Variants in CPEB3 observed in about 807,000 individuals in gnomAD.
CPEB3 encodes cytoplasmic polyadenylation element binding protein 3, also known as cytoplasmic polyadenylation element-binding protein 3.
CPEB3 carries 20 observed loss-of-function variants against 67.2 expected under a neutral mutation model. The ratio of observed to expected loss-of-function variants is 0.30; its 90% CI spans 0.21 to 0.43. The LOEUF (loss-of-function observed/expected upper bound fraction) is 0.43, where lower values mean the gene tolerates loss of function less well. Among genes scored for constraint, CPEB3 ranks in the 20% least tolerant of loss-of-function variants. The pLI is 1.00. For missense variants in CPEB3, 746 were observed against 968.6 expected (o/e 0.77, Z 3.05); for synonymous variants, 376 against 393.1 (o/e 0.96, Z 0.51).
At chr10:92,255,152 G>A (rs577619000) in intron 1 of CPEB3, among the ~76,000 whole-genome samples, 1 of 152,174 alleles carries the variant, frequency 6.6e-6, no homozygotes, top group South Asian at 2.1e-4. Flanking sequence ...AGAGGAAGCT[G>A]AGTCTCCCTA....
intron 4 of CPEB3, among the ~76,000 whole-genome samples, chr10:92,171,693 C>A (rs1423477237): frequency 6.6e-6 from 1 of 152,136 alleles, no homozygotes; most frequent in Non-Finnish European, 1.5e-5. Flanking sequence ...CGGCTCACTG[C>A]AACCTCCTCC....
In CPEB3 at chr10:92,202,184, C is replaced by T. The variant is rs186139509; in HGVS notation, c.1006-9548G>A. 2.6e-4 allele frequency among the ~76,000 whole-genome samples: 39 copies of T among 152,194 alleles called. 1 individual carries two copies. The highest frequency in any genetic ancestry group is 9.4e-4 in the African/African-American group (39 of 41,544). The stretch of plus-strand genomic sequence containing the variant: ...CTAGTAGGAATGCAAAATGGCACAG[C>T]CACTTTGGAAAAACAGTTTGGCTGT... On this transcript the variant is annotated intron_variant, in intron 2 of 9. Coordinates refer to ENST00000265997, the MANE Select transcript of CPEB3 (RefSeq NM_014912.5).
chr10:92,172,342 G>A (rs1848042450), intron 4 of CPEB3, among the ~76,000 whole-genome samples: 1 of 152,168 alleles, frequency 6.6e-6, no homozygotes, highest in Non-Finnish European at 1.5e-5. Context: ...AAGAGTGTAT[G>A]TGTGTGGAGG....
intron 6 of CPEB3, chr10:92,118,887 T>C: frequency 2.3e-6 from 2 of 873,012 alleles, no homozygotes; most frequent in Non-Finnish European, 4.0e-6. Context: ...GGTACTGCTT[T>C]GAGGGCAGGG....
intron 3 of CPEB3, among the ~76,000 whole-genome samples, chr10:92,184,630 C>G (rs1848606528): frequency 6.6e-6 from 1 of 152,014 alleles, no homozygotes. Context: ...AAAAGACACT[C>G]TGGGTCGAGA....
chr10:92,235,444 CA>C (rs879611685), intron 2 of CPEB3, among the ~76,000 whole-genome samples: 180 of 134,280 alleles, frequency 1.3e-3, no homozygotes, highest in South Asian at 3.0e-3. Context: ...GACATTGTCT[CA>C]AAAAAAAAAA....
intron 1 of CPEB3, among the ~76,000 whole-genome samples, chr10:92,288,409 G>A (rs922653445): frequency 3.3e-5 from 5 of 150,802 alleles, no homozygotes; most frequent in Admixed American, 6.6e-5. Flanking sequence ...GCAGTGAGCT[G>A]GCGCCACTGC....
intron 4 of CPEB3, among the ~76,000 whole-genome samples, chr10:92,160,618 C>A (rs1218157730): frequency 1.3e-5 from 2 of 152,152 alleles, no homozygotes; most frequent in Non-Finnish European, 2.9e-5. Flanking sequence ...TTATTTCTCT[C>A]CCAAACAACA....
intron 1 of CPEB3, among the ~76,000 whole-genome samples, chr10:92,260,463 A>G (rs1248383033): frequency 6.6e-6 from 1 of 151,568 alleles, no homozygotes; most frequent in Non-Finnish European, 1.5e-5. Flanking sequence ...AGACAGGAGA[A>G]TCACTTGAAC....
At chr10:92,104,463 T>C (rs865888819) in intron 7 of CPEB3, among the ~76,000 whole-genome samples, 1 of 149,716 alleles carries the variant, frequency 6.7e-6, no homozygotes, top group South Asian at 2.1e-4. Flanking sequence ...CTCGGCTCAC[T>C]GCAAGCCCCA....
At chr10:92,112,126 C>CT (rs201432910) in intron 6 of CPEB3, among the ~76,000 whole-genome samples, 22,551 of 118,852 alleles carry the variant, frequency 0.19, 2,473 homozygotes, top group Non-Finnish European at 0.22. Context: ...GACCACGTTC[C>CT]TTTTTTTTTT....
chr10:92,134,772 G>C (rs948693840), intron 6 of CPEB3, among the ~76,000 whole-genome samples: 2 of 151,834 alleles, frequency 1.3e-5, no homozygotes. Flanking sequence ...TATACTACAA[G>C]GCTACAGTAA....
At position 92,240,376 on chromosome 10, in the gene CPEB3, AAG is replaced by A. The variant is rs1011524724; in HGVS notation, c.-11-17_-11-16del. The A allele has an allele frequency of 3.5e-6, 5 of 1,438,762 alleles. No individual in the cohort carries two copies. The African/African-American group carries it at 5.8e-5, about 17-fold the overall frequency. 89.1% of individuals were successfully genotyped at this position (1,438,762 alleles called of 1,614,324 possible). A position where few individuals can be genotyped will look rare whatever the true frequency, so the allele number is the denominator to read the frequency against. On this transcript the variant is annotated splice_polypyrimidine_tract_variant and intron_variant, in intron 1 of 9. Coordinates refer to ENST00000265997, the MANE Select transcript of CPEB3 (RefSeq NM_014912.5). ...GGTTTGCGCAGCTGAAACGGGAAAA[AAG>A]AGAGACGCGTTATTGTCAATGTGAT...
At position 92,118,805 on chromosome 10, in the gene CPEB3, C is replaced by T. The variant is rs61746310; in HGVS notation, c.1454-7611G>A. The T allele has an allele frequency of 2.4e-3, 1,862 of 762,786 alleles. 20 individuals are homozygous for T. Among genetic ancestry groups the T allele is most frequent in the South Asian group, 0.013 (949 of 71,866 alleles). The allele number at this position is 762,786 out of a possible 1,614,324, so 47.3% of individuals were successfully genotyped here. On this transcript the variant is annotated intron_variant, in intron 6 of 9. Transcript: ENST00000265997. ...GAATAAGAACACAGGTTTAAACCGTCCTGTATCTCCCCACGTCACTATCTA... is the reference window on the plus strand; with the variant it reads ...GAATAAGAACACAGGTTTAAACCGTTCTGTATCTCCCCACGTCACTATCTA...
chr10:92,145,172 A>G, intron 4 of CPEB3, 87 bp from the exon 5 acceptor site: 4 of 1,480,008 alleles, frequency 2.7e-6, no homozygotes, highest in South Asian at 2.4e-5. Context: ...TAAATGCTCT[A>G]TTAGAAGCCC....
intron 2 of CPEB3, among the ~76,000 whole-genome samples, chr10:92,206,261 C>T (rs1286095233): frequency 1.3e-5 from 2 of 151,898 alleles, no homozygotes; most frequent in South Asian, 2.1e-4. Context: ...TTAGCAGAAA[C>T]GGGATTTCGG....
At chr10:92,174,854 G>A (rs1048451290) in intron 4 of CPEB3, among the ~76,000 whole-genome samples, 1 of 152,038 alleles carries the variant, frequency 6.6e-6, no homozygotes, top group African/African-American at 2.4e-5. Context: ...ATATTACAAA[G>A]CTATGATCTT....
chr10:92,142,041 A>AC (rs1846458166), intron 6 of CPEB3, among the ~76,000 whole-genome samples: 1 of 145,246 alleles, frequency 6.9e-6, no homozygotes, highest in African/African-American at 2.7e-5. Flanking sequence ...AATAAAAACA[A>AC]AAAAAAAAAA....
intron 6 of CPEB3, chr10:92,137,331 C>A (rs1013708625): frequency 2.5e-6 from 2 of 804,156 alleles, no homozygotes; most frequent in African/African-American, 3.5e-5. Flanking sequence ...GTACCCCTGG[C>A]CATATATCTG....
Sources: gnomAD v4.1 joint callset for allele counts (sites outside exome capture counted in the v4.1 genomes callset) on GRCh38, gnomAD v4.1.1 for gene constraint, MANE v1.5 for transcripts, NCBI Gene and HGNC (gene_info 2026-07-23, HGNC 2026-07-21) for gene names.